CNTNAP5: variants seen among roughly 807,000 people sequenced by gnomAD.
The protein encoded by CNTNAP5 is contactin-associated protein-like 5.
Under a neutral mutation model 150.2 loss-of-function variants are expected in CNTNAP5, and 72 were observed. That is an observed-to-expected ratio of 0.48 (90% CI 0.40 to 0.58). The LOEUF is 0.58. CNTNAP5 is among the 20% of genes least tolerant of loss of function. The pLI is 0.00. For synonymous variants in CNTNAP5, 672 were observed against 619.8 expected (o/e 1.08, Z -1.25); for missense variants, 1,636 against 1,626.2 (o/e 1.01, Z -0.10).
chr2:124,087,199 T>A lies in CNTNAP5; in HGVS notation c.82+61467T>A, dbSNP rs752438420. 4.6e-5 allele frequency among the ~76,000 whole-genome samples: 7 copies of A among 151,870 alleles called. 1 individual carries two copies. Among genetic ancestry groups the A allele is most frequent in the African/African-American group, 7.3e-5 (3 of 41,146 alleles). Reference sequence around the variant, plus strand: ...GACATTACAATGTTTGCTTCAAGTGTCCCAAACATAATTTAGAAAACTCAA... The same window carrying A: ...GACATTACAATGTTTGCTTCAAGTGACCCAAACATAATTTAGAAAACTCAA... On this transcript the variant is annotated intron_variant, in intron 1 of 23. Transcript: ENST00000682447.
chr2:124,041,304 T>G (rs146632380), intron 1 of CNTNAP5, among the ~76,000 whole-genome samples: 1 of 152,194 alleles, frequency 6.6e-6, no homozygotes, highest in Non-Finnish European at 1.5e-5. Context: ...TATAGCTAAG[T>G]GTTTTGTGGT....
intron 3 of CNTNAP5, among the ~76,000 whole-genome samples, chr2:124,367,392 A>G (rs1383491036): frequency 6.6e-6 from 1 of 152,174 alleles, no homozygotes; most frequent in Non-Finnish European, 1.5e-5. Context: ...TTCACATGGA[A>G]GCAGTAAGGA....
intron 21 of CNTNAP5, among the ~76,000 whole-genome samples, chr2:124,892,983 G>C (rs1461824460): frequency 6.6e-6 from 1 of 152,162 alleles, no homozygotes; most frequent in African/African-American, 2.4e-5. Flanking sequence ...AAGGAAGGGT[G>C]TTTGACTCTC....
At chr2:124,855,167 C>CTTTTTTTTT (rs70999224) in intron 19 of CNTNAP5, among the ~76,000 whole-genome samples, 2 of 71,434 alleles carry the variant, frequency 2.8e-5, no homozygotes, top group Admixed American at 2.1e-4. Flanking sequence ...TGGGCTTTTG[C>CTTTTTTTTT]TTTTTTTTTT....
intron 3 of CNTNAP5, among the ~76,000 whole-genome samples, chr2:124,401,793 G>T (rs1313624210): frequency 1.3e-5 from 2 of 152,194 alleles, no homozygotes; most frequent in African/African-American, 4.8e-5. Flanking sequence ...CTTTCATGGG[G>T]CAGTGAGGGT....
chr2:124,267,119 C>T (rs749437507), intron 3 of CNTNAP5, among the ~76,000 whole-genome samples: 7 of 151,982 alleles, frequency 4.6e-5, no homozygotes, highest in Non-Finnish European at 1.0e-4. Context: ...ACTGCCTGCC[C>T]CTGAATGGAA....
intron 10 of CNTNAP5, among the ~76,000 whole-genome samples, chr2:124,558,645 A>G (rs1332740990): frequency 2.6e-5 from 4 of 152,240 alleles, no homozygotes; most frequent in African/African-American, 7.2e-5. Context: ...AATTAAAAAC[A>G]AACTGCCAGA....
intron 15 of CNTNAP5, 64 bp from the exon 16 acceptor site, chr2:124,763,913 T>A: frequency 6.3e-7 from 1 of 1,593,964 alleles, no homozygotes; most frequent in Non-Finnish European, 8.6e-7. Flanking sequence ...TATCCACATG[T>A]CCAGTGCTTT....
intron 13 of CNTNAP5, among the ~76,000 whole-genome samples, chr2:124,717,324 G>T (rs1679965306): frequency 6.6e-6 from 1 of 152,182 alleles, no homozygotes; most frequent in Non-Finnish European, 1.5e-5. Flanking sequence ...TGGAATTGTG[G>T]AATTTGTATC....
Position 124,343,235 on chromosome 2 carries a change from G to C in CNTNAP5, c.382-74208G>C, listed in dbSNP as rs1689661770. On this transcript the variant is annotated intron_variant, in intron 3 of 23. Transcript: ENST00000682447. ...AATGTAATAACCGAAGGTTATAAAT[G>C]ATAGCATTATCTTAAGACATATCAG... Among the ~76,000 whole-genome samples the C allele has an allele frequency of 3.9e-5, 6 of 152,292 alleles. No individual in the cohort carries two copies. The South Asian group carries it at 1.2e-3, about 32-fold the overall frequency.
intron 3 of CNTNAP5, among the ~76,000 whole-genome samples, chr2:124,365,646 A>C (rs1054697872): frequency 1.8e-4 from 27 of 152,210 alleles, no homozygotes; most frequent in Non-Finnish European, 3.2e-4. Context: ...TTTGAGATCC[A>C]GCTTTACTAC....
chr2:124,153,174 A>G (rs918935732), intron 1 of CNTNAP5, among the ~76,000 whole-genome samples: 7 of 152,228 alleles, frequency 4.6e-5, no homozygotes, highest in African/African-American at 1.7e-4. Flanking sequence ...AGGAGAAAGG[A>G]TAGTGAAATT....
At chr2:124,428,114 G>T (rs1692283823) in intron 4 of CNTNAP5, among the ~76,000 whole-genome samples, 1 of 152,086 alleles carries the variant, frequency 6.6e-6, no homozygotes, top group Admixed American at 6.5e-5. Context: ...CCTTGAGCTT[G>T]CAGCTCCTTC....
At chr2:124,622,630 C>G (rs1677641854) in intron 12 of CNTNAP5, among the ~76,000 whole-genome samples, 3 of 151,968 alleles carry the variant, frequency 2.0e-5, no homozygotes, top group Non-Finnish European at 1.5e-5. Flanking sequence ...TCATCAGCGT[C>G]TGTTGTTTTT....
chr2:124,700,444 C>T (rs1679497988), intron 13 of CNTNAP5, among the ~76,000 whole-genome samples: 1 of 152,088 alleles, frequency 6.6e-6, no homozygotes, highest in Admixed American at 6.6e-5. Flanking sequence ...AACTTTTTTC[C>T]ATAGAAGCTG....
At chr2:124,527,502 C>T in intron 10 of CNTNAP5, 46 bp downstream of exon 10, 1 of 1,479,296 alleles carries the variant, frequency 6.8e-7, no homozygotes, top group East Asian at 2.4e-5. Flanking sequence ...CCTTCCCATT[C>T]TTACTGTTCT....
At position 124,233,398 on chromosome 2, in the gene CNTNAP5, C is replaced by T. The variant is rs530965263; in HGVS notation, c.188-8802C>T. Among the ~76,000 whole-genome samples, 5 of 152,230 alleles carry T rather than the reference C, an allele frequency of 3.3e-5. No homozygotes were observed. The South Asian group carries it at 1.0e-3, about 32-fold the overall frequency. On this transcript the variant is annotated intron_variant, in intron 2 of 23. Transcript: ENST00000682447. ...CTGGCAGTAGAAACCTATGTTTTCC[C>T]AAGTTCCTTAAGTGATTCTGATGCT...
intron 1 of CNTNAP5, among the ~76,000 whole-genome samples, chr2:124,097,000 G>A (rs1198906417): frequency 1.3e-5 from 2 of 152,096 alleles, no homozygotes; most frequent in Non-Finnish European, 2.9e-5. Flanking sequence ...CAGTGTGTCC[G>A]GCCCCAAATC....
intron 6 of CNTNAP5, among the ~76,000 whole-genome samples, chr2:124,450,037 G>A (rs1692926326): frequency 1.3e-5 from 2 of 149,524 alleles, no homozygotes; most frequent in Non-Finnish European, 3.0e-5. Context: ...GAGCTAAACA[G>A]GATATGTAAA....
Sources: allele counts gnomAD v4.1 joint callset (sites outside exome capture counted in the v4.1 genomes callset), GRCh38; gene constraint gnomAD v4.1.1; transcripts MANE v1.5; gene names NCBI Gene and HGNC (gene_info 2026-07-23, HGNC 2026-07-21).